Variants in ANKRD36 observed in about 807,000 individuals in gnomAD.
The protein encoded by ANKRD36 is ankyrin repeat domain-containing protein 36A.
A neutral mutation model predicts 278.1 loss-of-function variants in ANKRD36; 179 were observed. That is an observed-to-expected ratio of 0.64 (90% CI 0.57 to 0.73). ANKRD36 has a LOEUF of 0.73. Among genes scored for constraint, ANKRD36 ranks in the 30% least tolerant of loss-of-function variants. ANKRD36 has a pLI of 0.00. For missense variants in ANKRD36, 1,159 were observed against 1,956.7 expected (o/e 0.59, Z 7.69); for synonymous variants, 320 against 641.1 (o/e 0.50, Z 7.57).
chr2:97,209,442 T>G (rs2063759632), intron 54 of ANKRD36, among the ~76,000 whole-genome samples: 2 of 146,532 alleles, frequency 1.4e-5, no homozygotes, highest in East Asian at 2.0e-4. Context: ...TTTATTTTAG[T>G]TTTTGACACG....
At position 97,185,509 on chromosome 2, in the gene ANKRD36, A is replaced by G. The variant is rs1202169909; in HGVS notation, c.2040A>G (p.Thr680=). The stretch of plus-strand genomic sequence containing the variant: ...TAAAGGATGGACTACAGTGTGGGAC[A>G]GGTAATTTTGCAAAACACATTTAAT... The part of the protein sequence containing the change: ...TEIKDGLQCG[T]VSSQKQPALK... The change falls in exon 30 of 76, where the codon ACA becomes ACG. Residue 680 remains threonine (T), a splice_region_variant and synonymous_variant. Coordinates refer to ENST00000420699, the MANE Select transcript of ANKRD36 (RefSeq NM_001354587.1). 1.9e-6 allele frequency: 3 copies of G among 1,610,378 alleles called. No individual in the cohort carries two copies. The highest frequency in any genetic ancestry group is 2.7e-5 in the African/African-American group (2 of 74,820).
chr2:97,208,253 A>G (rs1199260264), intron 54 of ANKRD36, among the ~76,000 whole-genome samples: 4 of 146,848 alleles, frequency 2.7e-5, no homozygotes, highest in Non-Finnish European at 4.5e-5. Context: ...AGTTCAAGGC[A>G]TAAGGGGCTC....
At chr2:97,128,847 C>G (rs567586352) in intron 6 of ANKRD36, among the ~76,000 whole-genome samples, 1 of 152,196 alleles carries the variant, frequency 6.6e-6, no homozygotes, top group Admixed American at 6.6e-5. Flanking sequence ...GTCCAAAGCA[C>G]ATACATCCCA....
intron 52 of ANKRD36, 150 bp from the exon 53 acceptor site, chr2:97,207,661 A>G (rs2153615090): frequency 6.9e-6 from 9 of 1,299,488 alleles, no homozygotes; most frequent in African/African-American, 1.5e-5. Context: ...TATTTCTGTC[A>G]TGTTCTAGTC....
chr2:97,180,030 C>T (rs188383446), intron 24 of ANKRD36, 97 bp downstream of exon 24: 26 of 1,551,998 alleles, frequency 1.7e-5, no homozygotes, highest in Admixed American at 7.2e-5. Context: ...CTAAGCTGCA[C>T]GTTCTGATTC....
intron 26 of ANKRD36, among the ~76,000 whole-genome samples, chr2:97,183,068 C>G (rs1210695556): frequency 2.6e-5 from 4 of 151,694 alleles, no homozygotes; most frequent in Non-Finnish European, 1.5e-5. Context: ...ATAAATCCTT[C>G]TGATGTCTTG....
intron 38 of ANKRD36, among the ~76,000 whole-genome samples, chr2:97,194,151 G>T (rs920724365): frequency 2.6e-5 from 4 of 151,462 alleles, no homozygotes; most frequent in Admixed American, 2.0e-4. Context: ...TGGGTGTGAG[G>T]GATAATGAAT....
chr2:97,136,279 G>A (rs2041488115), intron 6 of ANKRD36, among the ~76,000 whole-genome samples: 1 of 150,558 alleles, frequency 6.6e-6, no homozygotes, highest in Non-Finnish European at 1.5e-5. Context: ...GATGTTCCCA[G>A]AGGGTGAGTG....
In ANKRD36 at chr2:97,196,536, A is replaced by G. The variant is rs1249094672; in HGVS notation, c.2552-57A>G. On this transcript the variant is annotated intron_variant, in intron 40 of 75. Coordinates refer to ENST00000420699, the MANE Select transcript of ANKRD36 (RefSeq NM_001354587.1). ...GTTGATGCTAACTCTGCTTGAATGT[A>G]TGGATATCTTTGTCATATTTATGTA... 124 of 1,599,460 alleles carry G rather than the reference A, an allele frequency of 7.8e-5. 1 individual carries two copies. The Admixed American group carries it at 1.2e-3, about 16-fold the overall frequency.
chr2:97,242,240 A>T (rs2074548900), intron 69 of ANKRD36, among the ~76,000 whole-genome samples: 1 of 151,538 alleles, frequency 6.6e-6, no homozygotes, highest in African/African-American at 2.4e-5. Context: ...CAGTGAGCAG[A>T]GATTGCACCA....
Position 97,129,758 on chromosome 2 carries a change from G to A in ANKRD36, c.799+2624G>A, listed in dbSNP as rs1222955148. On this transcript the variant is annotated intron_variant, in intron 6 of 75. Coordinates refer to ENST00000420699, the MANE Select transcript of ANKRD36 (RefSeq NM_001354587.1). ...TTTCCCCATTTCTTCTTTTTGTCAG[G>A]TTTGTCAAAGATCAATAGTTGTAGA... Among the ~76,000 whole-genome samples the A allele has an allele frequency of 2.0e-4, 30 of 151,906 alleles. 1 individual carries two copies. Among genetic ancestry groups the A allele is most frequent in the Admixed American group, 2.0e-3 (30 of 15,214 alleles).
Position 97,179,650 on chromosome 2 carries a change from T to C in ANKRD36, c.1634-88T>C. 2.6e-6 allele frequency: 4 copies of C among 1,553,630 alleles called. 1 individual carries two copies. In the South Asian group the frequency reaches 3.5e-5, roughly 14 times the overall value. On this transcript the variant is annotated intron_variant, in intron 22 of 75. Transcript: ENST00000420699. ...GTAATACAGGCAGGAGTACAAAACTTGATGCTAACATGCTATCCATGCATT... is the reference window on the plus strand; with the variant it reads ...GTAATACAGGCAGGAGTACAAAACTCGATGCTAACATGCTATCCATGCATT...
At chr2:97,129,633 T>G (rs1020667657) in intron 6 of ANKRD36, among the ~76,000 whole-genome samples, 1 of 152,110 alleles carries the variant, frequency 6.6e-6, no homozygotes, top group Non-Finnish European at 1.5e-5. Flanking sequence ...TAATCCATCT[T>G]GAATTAATTT....
chr2:97,184,384 T>C (rs2056941264), intron 28 of ANKRD36, among the ~76,000 whole-genome samples: 1 of 151,726 alleles, frequency 6.6e-6, no homozygotes, highest in African/African-American at 2.4e-5. Context: ...TTTAATACGA[T>C]TATATTAGCT....
intron 10 of ANKRD36, 81 bp downstream of exon 10, chr2:97,144,793 C>T: frequency 6.8e-7 from 1 of 1,478,764 alleles, no homozygotes; most frequent in Non-Finnish European, 9.1e-7. Flanking sequence ...GCAGGGGGCT[C>T]ATTGAAGCTG....
intron 62 of ANKRD36, among the ~76,000 whole-genome samples, chr2:97,216,360 A>G (rs1558860388): frequency 6.6e-6 from 1 of 151,968 alleles, no homozygotes; most frequent in Non-Finnish European, 1.5e-5. Context: ...TGGAATTCTA[A>G]TTAACTCCTA....
intron 42 of ANKRD36, among the ~76,000 whole-genome samples, chr2:97,198,082 G>A (rs1308808438): frequency 6.6e-6 from 1 of 151,878 alleles, no homozygotes; most frequent in Non-Finnish European, 1.5e-5. Context: ...CTTTTGATTT[G>A]TTGCATGAAA....
At chr2:97,149,575 G>A (rs1381862028) in intron 12 of ANKRD36, among the ~76,000 whole-genome samples, 1 of 150,202 alleles carries the variant, frequency 6.7e-6, no homozygotes, top group African/African-American at 2.5e-5. Flanking sequence ...TTTGAGAGGT[G>A]TGATCTGAAA....
chr2:97,142,856 A>G (rs1379711469), intron 8 of ANKRD36, 21 bp downstream of exon 8: 1 of 1,548,662 alleles, frequency 6.5e-7, no homozygotes, highest in African/African-American at 1.4e-5. Flanking sequence ...ATACACATTT[A>G]ATGTCATGTT....
Sources: allele counts gnomAD v4.1 joint callset (sites outside exome capture counted in the v4.1 genomes callset), GRCh38; gene constraint gnomAD v4.1.1; transcripts MANE v1.5; gene names NCBI Gene and HGNC (gene_info 2026-07-23, HGNC 2026-07-21).